Variants in SLX4 observed in about 807,000 individuals in gnomAD.
SLX4 encodes the protein structure-specific endonuclease subunit SLX4.
In SLX4, 112 loss-of-function variants were observed where a neutral mutation model predicts 146.2. That is an observed-to-expected ratio of 0.77 (90% CI 0.66 to 0.90). The LOEUF is 0.90. Ranked by LOEUF, SLX4 falls within the 40% of genes least tolerant of loss-of-function variation. The pLI is 0.00. For missense variants in SLX4, 2,563 were observed against 2,392.7 expected (o/e 1.07, Z -1.49); for synonymous variants, 1,061 against 997.7 (o/e 1.06, Z -1.20).
chr16:3,593,016 G>A, intron 10 of SLX4, 151 bp from the exon 11 acceptor site: 1 of 732,734 alleles, frequency 1.4e-6, no homozygotes, highest in Admixed American at 2.9e-5. Flanking sequence ...CTAGAGTACA[G>A]TGGTGTGATC....
intron 9 of SLX4, among the ~76,000 whole-genome samples, chr16:3,595,098 A>T (rs1337035247): frequency 1.3e-5 from 2 of 152,064 alleles, no homozygotes; most frequent in Middle Eastern, 6.3e-3. Context: ...GAGGAGGTCC[A>T]CTCTAGGGAA....
At position 3,581,903 on chromosome 16, in the gene SLX4, C is replaced by T. The variant is rs2040440070; in HGVS notation, c.*439G>A. 7.6e-5 allele frequency: 16 copies of T among 210,156 alleles called. No individual in the cohort carries two copies. The South Asian group carries it at 1.7e-3, about 22-fold the overall frequency. 13.0% of individuals were successfully genotyped at this position (210,156 alleles called of 1,614,324 possible). ...ACTAAAATATAAAAAATCAGCTGGG[C>T]GTGGCAGCGTGTGCCTGTAGTCCCA... On this transcript the variant is annotated 3_prime_UTR_variant, in exon 15 of 15. Coordinates refer to ENST00000294008, the MANE Select transcript of SLX4 (RefSeq NM_032444.4).
chr16:3,608,567 G>A lies in SLX4; in HGVS notation c.398C>T (p.Pro133Leu), dbSNP rs373586019. The A allele has an allele frequency of 2.3e-4, 367 of 1,614,032 alleles. No homozygotes were observed. Among genetic ancestry groups the A allele is most frequent in the Non-Finnish European group, 2.9e-4 (339 of 1,180,042 alleles). Reference sequence around the variant, plus strand: ...CCCCTCCCCATTCACAGAGTGGGCCGGTTCACTTGCTTGCCATTTGGTTAC... The same window carrying A: ...CCCCTCCCCATTCACAGAGTGGGCCAGTTCACTTGCTTGCCATTTGGTTAC... Reference protein sequence around the residue: ...QRVTKWQASEPAHSVNGEGGV... With the variant: ...QRVTKWQASELAHSVNGEGGV... Residue 133 changes from proline (P) to leucine (L), a missense_variant, in exon 2 of 15, where the codon CCG becomes CTG. Coordinates refer to ENST00000294008, the MANE Select transcript of SLX4 (RefSeq NM_032444.4).
In SLX4 at chr16:3,590,240, T is replaced by A; in HGVS notation, c.3398A>T (p.His1133Leu). ...AGATTTCTGAGATCTGGAGCTCGAA[T>A]GGTCAGGATTTGACTGGGTTAGGTC... ...SIDLTQSNPD[H>L]SSSRSQKSSS... Residue 1133 changes from histidine (H) to leucine (L), a missense_variant, in exon 12 of 15, where the codon CAT becomes CTT. Transcript: ENST00000294008. The surrounding 1 kb of genome is among the most constrained non-coding windows in gnomAD (Gnocchi z 4.8). 1 of 1,614,238 alleles carries A rather than the reference T, an allele frequency of 6.2e-7. No individual in the cohort carries two copies. The highest frequency in any genetic ancestry group is 8.5e-7 in the Non-Finnish European group (1 of 1,180,050).
chr16:3,599,761 A>AT (rs1272381989), intron 5 of SLX4, among the ~76,000 whole-genome samples: 2 of 151,960 alleles, frequency 1.3e-5, no homozygotes, highest in African/African-American at 4.8e-5. Flanking sequence ...TAATTTTTTA[A>AT]TTTTTTGTAG....
chr16:3,602,486 C>T lies in SLX4; in HGVS notation c.761-179G>A, dbSNP rs145323994. Among the ~76,000 whole-genome samples, 627 of 152,322 alleles carry T rather than the reference C, an allele frequency of 4.1e-3. 3 individuals are homozygous for T. The highest frequency in any genetic ancestry group is 0.014 in the African/African-American group (583 of 41,576). On this transcript the variant is annotated intron_variant, in intron 3 of 14. Transcript: ENST00000294008. ...CTGTCCAGTGAGACTGGGCACTAAT[C>T]AGCACTCCGGGAACAGCCGTCTCCA...
intron 3 of SLX4, 22 bp from the exon 4 acceptor site, chr16:3,602,329 C>G: frequency 6.2e-7 from 1 of 1,612,622 alleles, no homozygotes; most frequent in African/African-American, 1.3e-5. Flanking sequence ...CACCAAAGAT[C>G]CGTGAGAATA....
chr16:3,592,812 G>C lies in SLX4; in HGVS notation c.2214C>G (p.Val738=). Reference sequence around the variant, plus strand: ...CCTCGGTGCTCACGTCACCCAGCAGGACACGCTGGGTCAGAACCCCGTCCT... The same window carrying C: ...CCTCGGTGCTCACGTCACCCAGCAGCACACGCTGGGTCAGAACCCCGTCCT... ...AVEDGVLTQR[V]LLGDVSTEAA... Residue 738 remains valine, a synonymous_variant, in exon 11 of 15, where the codon GTC becomes GTG. Coordinates refer to ENST00000294008, the MANE Select transcript of SLX4 (RefSeq NM_032444.4). The C allele has an allele frequency of 2.5e-6, 4 of 1,612,468 alleles. No individual in the cohort carries two copies. The highest frequency in any genetic ancestry group is 3.4e-6 in the Non-Finnish European group (4 of 1,180,010).
Position 3,598,145 on chromosome 16 carries a change from C to G in SLX4, c.1164-146G>C, listed in dbSNP as rs1160448655. On this transcript the variant is annotated intron_variant, in intron 5 of 14. Transcript: ENST00000294008. ...GCAGATGCGTCCCCCACTTCCACTG[C>G]CTTGTGTGAACTCATTCAATTCCAG... is the stretch of plus-strand genomic sequence containing the variant. 4 of 910,254 alleles carry G rather than the reference C, an allele frequency of 4.4e-6. 1 individual carries two copies. The Admixed American group carries it at 5.9e-5, about 14-fold the overall frequency. The allele number at this position is 910,254 out of a possible 1,614,324, so 56.4% of individuals were successfully genotyped here.
In SLX4 at chr16:3,608,993, T is replaced by A; in HGVS notation, c.-29A>T. Reference sequence around the variant, plus strand: ...GGTTCTTCTCTACTTCTCCATTAGATACTTGGAGAGTTTGCACAATTGAAC... The same window carrying A: ...GGTTCTTCTCTACTTCTCCATTAGAAACTTGGAGAGTTTGCACAATTGAAC... On this transcript the variant is annotated 5_prime_UTR_variant, in exon 2 of 15. Coordinates refer to ENST00000294008, the MANE Select transcript of SLX4 (RefSeq NM_032444.4). 1 of 1,605,430 alleles carries A rather than the reference T, an allele frequency of 6.2e-7. No homozygotes were observed. Among genetic ancestry groups the A allele is most frequent in the Non-Finnish European group, 8.5e-7 (1 of 1,177,420 alleles).
chr16:3,582,112 C>T lies in SLX4; in HGVS notation c.*230G>A, dbSNP rs1302773622. The T allele has an allele frequency of 4.5e-5, 27 of 594,740 alleles. No individual in the cohort carries two copies. The highest frequency in any genetic ancestry group is 1.8e-5 in the Non-Finnish European group (6 of 333,792). 36.8% of individuals were successfully genotyped at this position (594,740 alleles called of 1,614,324 possible). On this transcript the variant is annotated 3_prime_UTR_variant, in exon 15 of 15. Transcript: ENST00000294008. ...CACGGACAGAGGAAGGGGCTGGAGT[C>T]TGTAAATCCAGTGGGTGACATGCTC...
At chr16:3,588,055 ACACTT>A (rs905036635) in intron 12 of SLX4, among the ~76,000 whole-genome samples, 3 of 152,160 alleles carry the variant, frequency 2.0e-5, no homozygotes, top group Non-Finnish European at 4.4e-5. Flanking sequence ...ACAGCCTCTC[ACACTT>A]GTCCCACCTG....
Position 3,606,682 on chromosome 16 carries a change from G to C in SLX4, c.552C>G (p.Ser184Arg), listed in dbSNP as rs753005616. Residue 184 changes from serine (S) to arginine (R), a missense_variant, in exon 3 of 15, where the codon AGC becomes AGG. Ser to Arg is a moderately radical substitution (Grantham distance 110). Coordinates refer to ENST00000294008, the MANE Select transcript of SLX4 (RefSeq NM_032444.4). ...REKTRENVPN[S>R]DSQPPPSCLT... ...AACAGGAAGGAGGAGGCTGGGAGTCGCTGTTGGGCACATTCTCTGGCAAGG... is the reference window on the plus strand; with the variant it reads ...AACAGGAAGGAGGAGGCTGGGAGTCCCTGTTGGGCACATTCTCTGGCAAGG... 4 of 1,614,110 alleles carry C rather than the reference G, an allele frequency of 2.5e-6. No individual in the cohort carries two copies. In the South Asian group the frequency reaches 3.3e-5, roughly 13 times the overall value.
chr16:3,584,690 C>A (rs74762428), intron 13 of SLX4, 79 bp downstream of exon 13: 1 of 1,136,716 alleles, frequency 8.8e-7, no homozygotes, highest in East Asian at 2.3e-5. Context: ...GGGGCCCTTC[C>A]GCCCCCAGGT....
intron 3 of SLX4, among the ~76,000 whole-genome samples, chr16:3,602,653 T>A (rs1459360615): frequency 6.6e-6 from 1 of 152,176 alleles, no homozygotes; most frequent in Admixed American, 6.5e-5. Context: ...CCACTCTGAG[T>A]AGCAAGGACC....
intron 3 of SLX4, among the ~76,000 whole-genome samples, chr16:3,605,039 G>C (rs2040767658): frequency 1.3e-5 from 2 of 150,138 alleles, no homozygotes; most frequent in African/African-American, 4.9e-5. Flanking sequence ...TCCCACCTCA[G>C]CCTCCCGAGT....
Position 3,589,182 on chromosome 16 carries a change from T to C in SLX4, c.4456A>G (p.Arg1486Gly). Residue 1486 changes from arginine to glycine, a missense_variant, in exon 12 of 15, where the codon AGG (arginine) becomes GGG (glycine). By Grantham distance (125) the Arg-to-Gly change is moderately radical (BLOSUM62 -2). Transcript: ENST00000294008. The surrounding 1 kb of genome is among the most constrained non-coding windows in gnomAD (Gnocchi z 6.2). Reference sequence around the variant, plus strand: ...CCCGAGGACTTCTCTTGCAATTTCCTCTGGGTAGTGCAGCTTCCTCGGATG... The same window carrying C: ...CCCGAGGACTTCTCTTGCAATTTCCCCTGGGTAGTGCAGCTTCCTCGGATG... ...TPIRGSCTTQ[R>G]KLQEKSSGAG... 1.2e-6 allele frequency: 2 copies of C among 1,614,152 alleles called. No homozygotes were observed. The highest frequency in any genetic ancestry group is 1.7e-6 in the Non-Finnish European group (2 of 1,180,034).
intron 13 of SLX4, 136 bp downstream of exon 13, chr16:3,584,633 T>C: frequency 1.3e-6 from 1 of 773,622 alleles, no homozygotes; most frequent in South Asian, 1.4e-5. Flanking sequence ...AGACCTTTCT[T>C]CCCAAGCCCA....
intron 12 of SLX4, among the ~76,000 whole-genome samples, chr16:3,587,263 G>C (rs1332886819): frequency 6.6e-6 from 1 of 152,164 alleles, no homozygotes; most frequent in Non-Finnish European, 1.5e-5. Flanking sequence ...TTGGGAGGCC[G>C]AGGTGGGCGG....
Sources: allele counts gnomAD v4.1 joint callset (sites outside exome capture counted in the v4.1 genomes callset), GRCh38; gene constraint gnomAD v4.1.1; non-coding constraint Gnocchi (gnomAD v3.1); transcripts MANE v1.5; gene names NCBI Gene and HGNC (gene_info 2026-07-23, HGNC 2026-07-21).